The following DPYD variants were observed in gnomAD, a reference collection of about 807,000 sequenced individuals.
DPYD encodes dihydropyrimidine dehydrogenase, also known as dihydropyrimidine dehydrogenase [NADP(+)].
DPYD carries 109 observed loss-of-function variants against 116.2 expected under a neutral mutation model. The ratio of observed to expected loss-of-function variants is 0.94; its 90% CI spans 0.80 to 1.10. DPYD has a LOEUF of 1.10. Among genes scored for constraint, DPYD ranks in the 50% least tolerant of loss-of-function variants. The pLI is 0.00. For missense variants in DPYD, 1,302 were observed against 1,254.5 expected, an observed-to-expected ratio of 1.04 and a Z score of -0.57; for synonymous variants, 440 against 432.0, an observed-to-expected ratio of 1.02 and a Z score of -0.23.
chr1:97,620,966 GCTAT>G (rs1229631274), intron 8 of DPYD, among the ~76,000 whole-genome samples: 3 of 152,090 alleles, frequency 2.0e-5, no homozygotes, highest in Non-Finnish European at 2.9e-5. Context: ...TTCAAACTCA[GCTAT>G]CTAACAATCA....
intron 16 of DPYD, among the ~76,000 whole-genome samples, chr1:97,362,652 A>G (rs1180796937): frequency 6.6e-6 from 1 of 152,146 alleles, no homozygotes; most frequent in Non-Finnish European, 1.5e-5. Flanking sequence ...AACATCACAC[A>G]TCTACAACCA....
Position 97,831,956 on chromosome 1 carries a change from T to C in DPYD, c.151-3760A>G, listed in dbSNP as rs535368449. Among the ~76,000 whole-genome samples, 3 of 152,054 alleles carry C rather than the reference T, an allele frequency of 2.0e-5. No individual in the cohort carries two copies. In the East Asian group the frequency reaches 5.8e-4, roughly 29 times the overall value. On this transcript the variant is annotated intron_variant, in intron 2 of 22. Transcript: ENST00000370192. Reference sequence around the variant, plus strand: ...GCCATGTAATATAACAGGCACAGGTTAGCTCTAATTAATTGGTAGAAAACT... The same window carrying C: ...GCCATGTAATATAACAGGCACAGGTCAGCTCTAATTAATTGGTAGAAAACT...
At chr1:97,841,002 A>C (rs559955581) in intron 2 of DPYD, among the ~76,000 whole-genome samples, 2 of 152,240 alleles carry the variant, frequency 1.3e-5, no homozygotes, top group South Asian at 4.1e-4. Context: ...ATCAGAGGTT[A>C]AAAACTACAA....
chr1:97,712,514 G>A (rs1279729771), intron 5 of DPYD, among the ~76,000 whole-genome samples: 2 of 151,970 alleles, frequency 1.3e-5, no homozygotes, highest in Non-Finnish European at 2.9e-5. Flanking sequence ...TTAGGATAAA[G>A]TCAGGTACCA....
chr1:97,914,887 A>C (rs879455461), intron 1 of DPYD, among the ~76,000 whole-genome samples: 1 of 152,128 alleles, frequency 6.6e-6, no homozygotes, highest in African/African-American at 2.4e-5. Flanking sequence ...CCTCTTTCAT[A>C]ATCTTTTAAC....
intron 14 of DPYD, among the ~76,000 whole-genome samples, chr1:97,384,942 T>C (rs1037726856): frequency 1.3e-5 from 2 of 152,082 alleles, no homozygotes; most frequent in Admixed American, 1.3e-4. Context: ...TGCCAAATTA[T>C]TGTTCATTGA....
At chr1:97,149,388 G>A (rs770880812) in intron 20 of DPYD, among the ~76,000 whole-genome samples, 2 of 152,134 alleles carry the variant, frequency 1.3e-5, no homozygotes, top group African/African-American at 4.8e-5. Flanking sequence ...AAGTAGCTGG[G>A]ATTACAGGCA....
rs1237895490 is a variant in DPYD, at chr1:97,134,009, AAAAAAATATATATATATATATATATATAT to A, written c.2623-35406_2623-35378del. Among the ~76,000 whole-genome samples, 23 of 47,870 alleles carry A rather than the reference AAAAAAATATATATATATATATATATATAT, an allele frequency of 4.8e-4. 1 individual carries two copies. The South Asian group carries it at 5.0e-3, about 10-fold the overall frequency. 31.4% of individuals were successfully genotyped at this position (47,870 alleles called of 152,430 possible). ...GCCAGACTCTGTTTCAAAAAAAAAA[AAAAAAATATATATATATATATATATATAT>A]ATATATATATATATATATATATATA... On this transcript the variant is annotated intron_variant, in intron 20 of 22. Transcript: ENST00000370192.
intron 4 of DPYD, 24 bp downstream of exon 4, chr1:97,740,368 T>C (rs1664193811): frequency 6.4e-7 from 1 of 1,565,638 alleles, no homozygotes; most frequent in Admixed American, 1.7e-5. Context: ...TTATTTTCAT[T>C]TGCAGAGTTA....
chr1:97,079,274 G>T, intron 22 of DPYD, 128 bp from the exon 23 acceptor site: 4 of 927,144 alleles, frequency 4.3e-6, no homozygotes, highest in Non-Finnish European at 7.1e-6. Context: ...CAGCTCTATG[G>T]TGCAACTATA....
At chr1:97,088,629 A>G (rs1649687041) in intron 21 of DPYD, among the ~76,000 whole-genome samples, 1 of 150,618 alleles carries the variant, frequency 6.6e-6, no homozygotes, top group East Asian at 2.0e-4. Context: ...CTTCCTCCAT[A>G]CTCCACCCTG....
intron 14 of DPYD, among the ~76,000 whole-genome samples, chr1:97,448,399 G>GA (rs1382715892): frequency 6.6e-6 from 1 of 152,032 alleles, no homozygotes; most frequent in African/African-American, 2.4e-5. Context: ...GTTAAATAGA[G>GA]AAAATAATAC....
chr1:97,682,750 T>C (rs1214239850), intron 7 of DPYD, among the ~76,000 whole-genome samples: 1 of 152,146 alleles, frequency 6.6e-6, no homozygotes, highest in African/African-American at 2.4e-5. Context: ...TTATTCCTTG[T>C]ACTTTTACAT....
intron 5 of DPYD, among the ~76,000 whole-genome samples, 167 bp downstream of exon 5, chr1:97,721,343 T>G (rs1463363898): frequency 1.3e-5 from 2 of 151,904 alleles, no homozygotes; most frequent in South Asian, 4.1e-4. Flanking sequence ...TTCCTTTTTG[T>G]AGCTAAGCTG....
At chr1:97,814,935 A>AAGAAAGAAAGGAAGGAG (rs145372925) in intron 3 of DPYD, among the ~76,000 whole-genome samples, 1 of 79,294 alleles carries the variant, frequency 1.3e-5, no homozygotes, top group South Asian at 3.8e-4. Flanking sequence ...AGAGAGAGGA[A>AAGAAAGAAAGGAAGGAG]AGAAAGAAAG....
intron 16 of DPYD, among the ~76,000 whole-genome samples, chr1:97,359,463 A>G (rs934594598): frequency 2.0e-5 from 3 of 152,196 alleles, no homozygotes; most frequent in Non-Finnish European, 4.4e-5. Context: ...AGAGAACACT[A>G]CAAAGATACT....
At chr1:97,467,693 G>T (rs1677411088) in intron 13 of DPYD, among the ~76,000 whole-genome samples, 1 of 152,142 alleles carries the variant, frequency 6.6e-6, no homozygotes, top group East Asian at 1.9e-4. Context: ...TAGGTCAATG[G>T]TCTCTAAAAT....
At chr1:97,740,357 G>C (rs377319027) in intron 4 of DPYD, 35 bp downstream of exon 4, 110 of 1,532,140 alleles carry the variant, frequency 7.2e-5, no homozygotes, top group Middle Eastern at 3.4e-4. Flanking sequence ...ATCAAATACT[G>C]TTATTTTCAT....
At chr1:97,177,349 A>G (rs1657352920) in intron 20 of DPYD, among the ~76,000 whole-genome samples, 1 of 152,192 alleles carries the variant, frequency 6.6e-6, no homozygotes. Flanking sequence ...CAAAATAAAG[A>G]CTGGGAAGTA....
Sources: gnomAD v4.1 joint callset for allele counts (sites outside exome capture counted in the v4.1 genomes callset) on GRCh38, gnomAD v4.1.1 for gene constraint, MANE v1.5 for transcripts, NCBI Gene and HGNC (gene_info 2026-07-23, HGNC 2026-07-21) for gene names.